ATP2B3: variants seen among roughly 807,000 people sequenced by gnomAD.
ATP2B3 encodes the protein plasma membrane calcium-transporting ATPase 3.
Under a neutral mutation model 70.8 loss-of-function variants are expected in ATP2B3, and 12 were observed. That is an observed-to-expected ratio of 0.17 (90% CI 0.11 to 0.27). The LOEUF (loss-of-function observed/expected upper bound fraction) is 0.27, where lower values mean the gene tolerates loss of function less well. Ranked by LOEUF, ATP2B3 falls within the 10% of genes least tolerant of loss-of-function variation. ATP2B3 has a pLI of 1.00. For missense variants in ATP2B3, 858 were observed against 1,118.5 expected, an observed-to-expected ratio of 0.77 and a Z score of 3.32; for synonymous variants, 460 against 497.8, an observed-to-expected ratio of 0.92 and a Z score of 1.01.
intron 4 of ATP2B3, 50 bp from the exon 5 acceptor site, chrX:153,541,619 C>T: frequency 8.3e-6 from 10 of 1,207,185 alleles, no homozygotes; most frequent in Non-Finnish European, 1.1e-5. Flanking sequence ...GAGGGACGGT[C>T]ACAGGATGGT....
In ATP2B3 at chrX:153,559,697, C is replaced by T. The variant is rs782254270; in HGVS notation, c.2626-32C>T. 5.1e-6 allele frequency: 6 copies of T among 1,185,647 alleles called. No individual in the cohort carries two copies. In the South Asian group the frequency reaches 5.3e-5, roughly 11 times the overall value. ...ACCCCCAACCTTCCCGGGCAGGCGG[C>T]CCATGGAAAGGTGACTGCCTCCTCT... On this transcript the variant is annotated intron_variant, in intron 17 of 21. Coordinates refer to ENST00000263519, the MANE Select transcript of ATP2B3 (RefSeq NM_001001344.3).
intron 2 of ATP2B3, among the ~76,000 whole-genome samples, chrX:153,531,793 G>C (rs1392880496): frequency 8.9e-6 from 1 of 112,808 alleles, no homozygotes; most frequent in East Asian, 2.8e-4. Flanking sequence ...TGTCCACGCA[G>C]ACCCCAGAAA....
rs1345730261 is a variant in ATP2B3, at chrX:153,541,098, A to T, written c.209-261A>T. ...CAGGAGCCTCCTGGCCTGTTTTGTC[A>T]TCTGTGTGTCAGGAGGAGGATGGCT... On this transcript the variant is annotated intron_variant, in intron 3 of 21. Coordinates refer to ENST00000263519, the MANE Select transcript of ATP2B3 (RefSeq NM_001001344.3). Among the ~76,000 whole-genome samples, 9 of 111,905 alleles carry T rather than the reference A, an allele frequency of 8.0e-5. No homozygotes were observed. In the Admixed American group the frequency reaches 8.4e-4, roughly 10 times the overall value.
intron 15 of ATP2B3, 114 bp from the exon 16 acceptor site, chrX:153,556,803 G>A (rs1557013845): frequency 1.4e-6 from 1 of 727,722 alleles, no homozygotes; most frequent in Non-Finnish European, 2.1e-6. Context: ...TCAGGACGGG[G>A]TAATCCCAAA....
Position 153,580,188 on chromosome X carries a change from G to A in ATP2B3, c.3553G>A (p.Ala1185Thr), listed in dbSNP as rs1557022509. The change falls in exon 22 of 22, where the codon GCC becomes ACC. Residue 1185 changes from alanine (A) to threonine (T), a missense_variant. By Grantham distance (58) the Ala-to-Thr change is moderately conservative. Coordinates refer to ENST00000263519, the MANE Select transcript of ATP2B3 (RefSeq NM_001001344.3). ...PPPSPNQNNN[A>T]IDSGIYLTTH... is the part of the protein sequence containing the mutation. ...CCCGTCCCCCAACCAGAACAACAAC[G>A]CCATAGACAGCGGCATCTACCTGAC... The A allele has an allele frequency of 7.7e-6, 6 of 780,548 alleles. No individual in the cohort carries two copies. The East Asian group carries it at 1.9e-4, about 24-fold the overall frequency. The allele number at this position is 780,548 out of a possible 1,213,427, so 64.3% of individuals were successfully genotyped here.
At chrX:153,572,427 G>C (rs1048974547) in intron 21 of ATP2B3, among the ~76,000 whole-genome samples, 3 of 112,685 alleles carry the variant, frequency 2.7e-5, no homozygotes, top group Non-Finnish European at 5.6e-5. Flanking sequence ...CCTCCAGAGA[G>C]AAGGGCCGGT....
intron 2 of ATP2B3, among the ~76,000 whole-genome samples, chrX:153,523,972 A>G: frequency 8.9e-6 from 1 of 111,775 alleles, no homozygotes; most frequent in African/African-American, 3.2e-5. Context: ...CTGGAATGAA[A>G]GGCGTTTATT....
At chrX:153,563,094 G>A (rs1322276663) in intron 20 of ATP2B3, among the ~76,000 whole-genome samples, 2 of 104,967 alleles carry the variant, frequency 1.9e-5, no homozygotes, top group African/African-American at 7.0e-5. Flanking sequence ...TTCAACACAT[G>A]AACTGGAGAG....
At chrX:153,567,407 C>T (rs1432519203) in intron 21 of ATP2B3, among the ~76,000 whole-genome samples, 1 of 113,302 alleles carries the variant, frequency 8.8e-6, no homozygotes, top group Non-Finnish European at 1.9e-5. Flanking sequence ...TCTATCGTAC[C>T]CCTGTTGTGC....
rs1221371446 is a variant in ATP2B3 at position 153,558,184 on chromosome X, G to A, written c.2506G>A (p.Val836Ile). The change falls in exon 17 of 22, where the codon GTC becomes ATC. Residue 836 changes from valine to isoleucine, a missense_variant. Transcript: ENST00000263519. ...GACCGATGACAACTTCACCAGCATC[G>A]TCAAGGCAGTCATGTGGGGCCGTAA... ...ILTDDNFTSIVKAVMWGRNVY... is the reference protein window; with the variant it reads ...ILTDDNFTSIIKAVMWGRNVY... 1.2e-5 allele frequency: 15 copies of A among 1,209,754 alleles called. No individual in the cohort carries two copies. The highest frequency in any genetic ancestry group is 2.2e-5 in the Admixed American group (1 of 45,778).
At chrX:153,532,072 G>GGGC (rs781907554) in intron 2 of ATP2B3, among the ~76,000 whole-genome samples, 1 of 112,464 alleles carries the variant, frequency 8.9e-6, no homozygotes, top group Non-Finnish European at 1.9e-5. Context: ...GGGAGAACCA[G>GGGC]GGCAAAAGCA....
chrX:153,548,046 G>A, intron 9 of ATP2B3, 47 bp downstream of exon 9: 1 of 1,161,605 alleles, frequency 8.6e-7, no homozygotes, highest in South Asian at 2.1e-5. Context: ...ACTGGGCGTG[G>A]AGGATGCTGG....
chrX:153,579,459 C>T (rs1557022114), intron 21 of ATP2B3, among the ~76,000 whole-genome samples: 1 of 112,541 alleles, frequency 8.9e-6, no homozygotes, highest in East Asian at 2.8e-4. Context: ...GCAGGTACTT[C>T]GGACTTTCTG....
In ATP2B3 at chrX:153,536,370, A is replaced by T. The variant is rs782736331; in HGVS notation, c.123A>T (p.Arg41=). 3.3e-6 allele frequency: 4 copies of T among 1,203,177 alleles called. No individual in the cohort carries two copies. The African/African-American group carries it at 6.9e-5, about 21-fold the overall frequency. Residue 41 remains arginine, a synonymous_variant, in exon 3 of 22, where the codon CGA becomes CGT. Coordinates refer to ENST00000263519, the MANE Select transcript of ATP2B3 (RefSeq NM_001001344.3). The part of the protein sequence containing the change: ...LAELRTLMEL[R]GAEALQKIEE... ...AGCTGCGCACCCTCATGGAGCTGCGAGGGGCCGAGGCGCTGCAGAAGATCG... is the reference window on the plus strand; with the variant it reads ...AGCTGCGCACCCTCATGGAGCTGCGTGGGGCCGAGGCGCTGCAGAAGATCG...
At chrX:153,579,765 A>G in intron 21 of ATP2B3, among the ~76,000 whole-genome samples, 1 of 111,983 alleles carries the variant, frequency 8.9e-6, no homozygotes, top group East Asian at 2.8e-4. Context: ...AGGCAGAGCC[A>G]TCCCATTCCG....
intron 21 of ATP2B3, among the ~76,000 whole-genome samples, chrX:153,575,529 C>T (rs914439832): frequency 9.0e-6 from 1 of 111,479 alleles, no homozygotes; most frequent in Non-Finnish European, 1.9e-5. Flanking sequence ...CAGTGGAGGG[C>T]TTGTAGCGGG....
intron 6 of ATP2B3, among the ~76,000 whole-genome samples, 164 bp from the exon 7 acceptor site, chrX:153,542,879 G>A (rs1329991717): frequency 8.8e-6 from 1 of 113,297 alleles, no homozygotes; most frequent in Non-Finnish European, 1.9e-5. Flanking sequence ...GGCCCTGTGG[G>A]CCTCGGGGTC....
intron 10 of ATP2B3, 28 bp downstream of exon 10, chrX:153,548,882 G>A: frequency 2.5e-6 from 3 of 1,184,155 alleles, no homozygotes; most frequent in Middle Eastern, 4.9e-4. Context: ...AGTTGATACT[G>A]TTTACAGACT....
At chrX:153,536,565 C>A in intron 3 of ATP2B3, 110 bp downstream of exon 3, 1 of 860,956 alleles carries the variant, frequency 1.2e-6, no homozygotes, top group Non-Finnish European at 1.7e-6. Context: ...GCCACCTGTG[C>A]CCCTCCTCTC....
Sources: gnomAD v4.1 joint callset for allele counts (sites outside exome capture counted in the v4.1 genomes callset) on GRCh38, gnomAD v4.1.1 for gene constraint, MANE v1.5 for transcripts, NCBI Gene and HGNC (gene_info 2026-07-23, HGNC 2026-07-21) for gene names.